The following CSMD2 variants were observed in gnomAD, a reference collection of about 807,000 sequenced individuals.
CSMD2 encodes the protein CUB and Sushi multiple domains 2.
In CSMD2, 130 loss-of-function variants were observed where a neutral mutation model predicts 398.5. That is an observed-to-expected ratio of 0.33 (90% confidence interval 0.28 to 0.38). The LOEUF (loss-of-function observed/expected upper bound fraction) is 0.38, where lower values mean the gene tolerates loss of function less well. Among genes scored for constraint, CSMD2 ranks in the 10% least tolerant of loss-of-function variants. CSMD2 has a pLI of 1.00. For synonymous variants in CSMD2, 1,828 were observed against 1,908.5 expected, an observed-to-expected ratio of 0.96 and a Z score of 1.10; for missense variants, 3,829 against 4,764.9, an observed-to-expected ratio of 0.80 and a Z score of 5.78.
chr1:34,065,278 G>A (rs964501204), intron 2 of CSMD2, among the ~76,000 whole-genome samples: 3 of 151,966 alleles, frequency 2.0e-5, no homozygotes, highest in Admixed American at 6.6e-5. Flanking sequence ...TTCCTTCTTC[G>A]CCCCACTCTG....
chr1:33,620,500 G>A (rs1400771775), intron 37 of CSMD2, among the ~76,000 whole-genome samples: 2 of 152,168 alleles, frequency 1.3e-5, no homozygotes, highest in Non-Finnish European at 2.9e-5. Context: ...AAATTGAGAA[G>A]AGGTGGATTT....
At chr1:33,580,120 T>C (rs1192133527) in intron 48 of CSMD2, among the ~76,000 whole-genome samples, 1 of 152,230 alleles carries the variant, frequency 6.6e-6, no homozygotes, top group African/African-American at 2.4e-5. Flanking sequence ...GCCTCCAAGC[T>C]TGCGGAGCCC....
intron 19 of CSMD2, among the ~76,000 whole-genome samples, chr1:33,718,469 C>A (rs988404430): frequency 6.6e-6 from 1 of 152,196 alleles, no homozygotes; most frequent in Non-Finnish European, 1.5e-5. Flanking sequence ...CAGAATCACA[C>A]CAAGTGAGTA....
intron 3 of CSMD2, among the ~76,000 whole-genome samples, chr1:33,941,402 G>A (rs146228971): frequency 6.6e-6 from 1 of 152,262 alleles, no homozygotes; most frequent in East Asian, 1.9e-4. Flanking sequence ...CTTCCATCAA[G>A]TAACTTGTTT....
intron 2 of CSMD2, among the ~76,000 whole-genome samples, chr1:34,068,004 C>T (rs973213151): frequency 1.2e-4 from 18 of 152,166 alleles, no homozygotes; most frequent in Non-Finnish European, 7.4e-5. Flanking sequence ...CAGAGAGGTG[C>T]TTCCCTAGAA....
chr1:34,157,773 C>A (rs1471655703), intron 1 of CSMD2, among the ~76,000 whole-genome samples: 2 of 152,064 alleles, frequency 1.3e-5, no homozygotes, highest in Non-Finnish European at 2.9e-5. Flanking sequence ...TGATCCTACC[C>A]AACTTACACC....
intron 2 of CSMD2, among the ~76,000 whole-genome samples, chr1:34,072,222 G>A (rs1169064453): frequency 6.6e-6 from 1 of 152,218 alleles, no homozygotes; most frequent in Non-Finnish European, 1.5e-5. Flanking sequence ...AATTGATTTA[G>A]TTTTAGATTT....
At chr1:34,034,154 G>A (rs377420124) in intron 2 of CSMD2, among the ~76,000 whole-genome samples, 15 of 152,128 alleles carry the variant, frequency 9.9e-5, no homozygotes, top group African/African-American at 3.6e-4. Context: ...CTGGGGAAAG[G>A]CCTCCTAAGC....
intron 19 of CSMD2, among the ~76,000 whole-genome samples, chr1:33,719,833 A>C (rs942610567): frequency 6.6e-6 from 1 of 152,196 alleles, no homozygotes; most frequent in African/African-American, 2.4e-5. Flanking sequence ...GTATATGCAA[A>C]GCACACAGCA....
intron 3 of CSMD2, among the ~76,000 whole-genome samples, chr1:33,975,589 A>G (rs1192811550): frequency 6.6e-6 from 1 of 151,734 alleles, no homozygotes; most frequent in Non-Finnish European, 1.5e-5. Context: ...TTCCTTCTGT[A>G]ATAAGATTCC....
In CSMD2 at chr1:33,605,184, G is replaced by A. The variant is rs1640506275; in HGVS notation, c.6532+98C>T. The A allele has an allele frequency of 2.5e-6, 3 of 1,182,166 alleles. No individual in the cohort carries two copies. In the Admixed American group the frequency reaches 6.7e-5, roughly 26 times the overall value. The allele number at this position is 1,182,166 out of a possible 1,614,324, so 73.2% of individuals were successfully genotyped here. A position where few individuals can be genotyped will look rare whatever the true frequency, so the allele number is the denominator to read the frequency against. On this transcript the variant is annotated intron_variant, in intron 42 of 70. Transcript: ENST00000373381. ...CAGTTTGCCTGGACCTCCAGCCCTG[G>A]AGATCCCACAGAGCAGGTAGGTGGA...
chr1:33,784,250 G>A (rs573115712), intron 12 of CSMD2, among the ~76,000 whole-genome samples: 1 of 152,282 alleles, frequency 6.6e-6, no homozygotes, highest in East Asian at 1.9e-4. Context: ...GAGCTGTGAA[G>A]GAGCAGCCAG....
chr1:33,988,508 T>A (rs934053854), intron 3 of CSMD2, among the ~76,000 whole-genome samples: 2 of 152,214 alleles, frequency 1.3e-5, no homozygotes, highest in Non-Finnish European at 2.9e-5. Flanking sequence ...TTCTGGAATG[T>A]CCTGCCACTC....
chr1:33,711,943 G>A (rs1396679028), intron 21 of CSMD2, among the ~76,000 whole-genome samples: 1 of 152,158 alleles, frequency 6.6e-6, no homozygotes, highest in East Asian at 1.9e-4. Context: ...ATAGAGGGAC[G>A]GGGCACTTGC....
At chr1:33,887,782 CA>C (rs539302092) in intron 5 of CSMD2, among the ~76,000 whole-genome samples, 10 of 147,282 alleles carry the variant, frequency 6.8e-5, no homozygotes, top group East Asian at 2.0e-4. Flanking sequence ...TATAAGAAGC[CA>C]AAAAAAAAGC....
chr1:34,068,887 G>A (rs1053437940), intron 2 of CSMD2, among the ~76,000 whole-genome samples: 12 of 152,192 alleles, frequency 7.9e-5, no homozygotes, highest in African/African-American at 2.9e-4. Flanking sequence ...CATGTAAGAT[G>A]TGACTTGCTC....
intron 3 of CSMD2, among the ~76,000 whole-genome samples, chr1:33,959,108 T>C (rs1178351331): frequency 6.6e-6 from 1 of 152,150 alleles, no homozygotes; most frequent in Non-Finnish European, 1.5e-5. Context: ...AGTGAGATGA[T>C]GTCTGGAAAT....
intron 5 of CSMD2, among the ~76,000 whole-genome samples, chr1:33,878,914 A>G (rs1641038565): frequency 6.6e-6 from 1 of 152,238 alleles, no homozygotes; most frequent in South Asian, 2.1e-4. Context: ...ATCTATTTAT[A>G]TGAATCCATA....
chr1:33,686,792 C>T (rs1281624005), intron 25 of CSMD2, among the ~76,000 whole-genome samples: 1 of 152,224 alleles, frequency 6.6e-6, no homozygotes, highest in Admixed American at 6.5e-5. Context: ...GCTGCCTAGC[C>T]CATGTCCCTT....
Sources: allele counts gnomAD v4.1 joint callset (sites outside exome capture counted in the v4.1 genomes callset), GRCh38; gene constraint gnomAD v4.1.1; transcripts MANE v1.5; gene names NCBI Gene and HGNC (gene_info 2026-07-23, HGNC 2026-07-21).